The following KCNIP4 variants were observed in gnomAD, a reference collection of about 807,000 sequenced individuals.
The protein encoded by KCNIP4 is Kv channel-interacting protein 4.
Under a neutral mutation model 34.0 loss-of-function variants are expected in KCNIP4, and 12 were observed. That is an observed-to-expected ratio of 0.35 (90% CI 0.23 to 0.57). KCNIP4 has a LOEUF of 0.57. Ranked by LOEUF, KCNIP4 falls within the 20% of genes least tolerant of loss-of-function variation. The pLI, the probability that KCNIP4 is intolerant of heterozygous loss-of-function variation, is 0.83. For missense variants in KCNIP4, 238 were observed against 311.7 expected, an observed-to-expected ratio of 0.76 and a Z score of 1.78; for synonymous variants, 124 against 102.2, an observed-to-expected ratio of 1.21 and a Z score of -1.29.
At chr4:21,412,023 C>G (rs1334653310) in intron 1 of KCNIP4, among the ~76,000 whole-genome samples, 1 of 152,178 alleles carries the variant, frequency 6.6e-6, no homozygotes, top group Non-Finnish European at 1.5e-5. Context: ...GTATGGGGCA[C>G]TTGACATACT....
intron 5 of KCNIP4, among the ~76,000 whole-genome samples, chr4:20,748,936 A>G (rs1461790428): frequency 1.3e-5 from 2 of 150,406 alleles, no homozygotes; most frequent in South Asian, 2.1e-4. Context: ...TATATAAGCT[A>G]TGTAAATATC....
intron 1 of KCNIP4, among the ~76,000 whole-genome samples, chr4:21,538,591 T>A (rs1034578717): frequency 9.2e-5 from 14 of 152,178 alleles, no homozygotes; most frequent in African/African-American, 3.4e-4. Context: ...ATCATGGGGT[T>A]CCCAGTATTT....
intron 1 of KCNIP4, among the ~76,000 whole-genome samples, chr4:21,937,114 T>G (rs765151917): frequency 6.6e-6 from 1 of 152,120 alleles, no homozygotes; most frequent in African/African-American, 2.4e-5. Context: ...CTCATCACAA[T>G]GCTGGACGTG....
intron 3 of KCNIP4, among the ~76,000 whole-genome samples, chr4:20,780,650 C>T (rs1323849098): frequency 2.0e-5 from 3 of 152,070 alleles, no homozygotes; most frequent in Admixed American, 2.0e-4. Context: ...CAGGCTTTTC[C>T]AGGAACAGTT....
chr4:21,364,651 C>T (rs531887038), intron 1 of KCNIP4, among the ~76,000 whole-genome samples: 56 of 151,648 alleles, frequency 3.7e-4, no homozygotes, highest in African/African-American at 1.3e-3. Context: ...AATGACAAGT[C>T]AATGCACCTA....
chr4:21,619,002 T>C (rs771783630), intron 1 of KCNIP4, among the ~76,000 whole-genome samples: 4 of 152,130 alleles, frequency 2.6e-5, no homozygotes, highest in Non-Finnish European at 4.4e-5. Flanking sequence ...AGTGAGTTAC[T>C]TGATGATCCC....
intron 1 of KCNIP4, among the ~76,000 whole-genome samples, chr4:21,764,052 A>G (rs1188565284): frequency 6.6e-6 from 1 of 152,168 alleles, no homozygotes; most frequent in African/African-American, 2.4e-5. Context: ...AGTATGGTAA[A>G]GCCAGAACAA....
chr4:21,774,533 T>C (rs1391817996), intron 1 of KCNIP4, among the ~76,000 whole-genome samples: 2 of 152,200 alleles, frequency 1.3e-5, no homozygotes, highest in African/African-American at 4.8e-5. Flanking sequence ...AAATGCGTTT[T>C]CCAGCTTGTT....
chr4:21,150,142 G>A (rs1365342303), intron 1 of KCNIP4, among the ~76,000 whole-genome samples: 1 of 152,156 alleles, frequency 6.6e-6, no homozygotes, highest in East Asian at 1.9e-4. Flanking sequence ...CCTTGGAGAT[G>A]GTATGAGACT....
At chr4:21,255,831 T>G (rs897318483) in intron 1 of KCNIP4, among the ~76,000 whole-genome samples, 1 of 152,188 alleles carries the variant, frequency 6.6e-6, no homozygotes, top group South Asian at 2.1e-4. Context: ...GTAAATTGAC[T>G]TGAAGAAACA....
chr4:21,596,552 C>T lies in KCNIP4; in HGVS notation c.61+352019G>A, dbSNP rs10938846. Among the ~76,000 whole-genome samples, 137 of 152,164 alleles carry T rather than the reference C, an allele frequency of 9.0e-4. 2 individuals carry two copies. The East Asian group carries it at 0.025, about 28-fold the overall frequency. On this transcript the variant is annotated intron_variant, in intron 1 of 8. Transcript: ENST00000382152. ...GTGCACTGTTTTGAAACCCCCCTCC[C>T]TATCTCCATCTACCTTTCCTGGAGA...
chr4:21,354,704 C>A (rs1039455349), intron 1 of KCNIP4, among the ~76,000 whole-genome samples: 1 of 152,218 alleles, frequency 6.6e-6, no homozygotes, highest in Non-Finnish European at 1.5e-5. Flanking sequence ...TAATGGGAGA[C>A]TTTAACACCC....
chr4:21,516,581 A>G (rs1265260529), intron 1 of KCNIP4, among the ~76,000 whole-genome samples: 1 of 152,190 alleles, frequency 6.6e-6, no homozygotes, highest in Non-Finnish European at 1.5e-5. Context: ...GGCTTGCATC[A>G]GTTTCTTCTC....
rs1245067901 is a variant in KCNIP4 at position 21,395,333 on chromosome 4, T to C, written c.62-512624A>G. Among the ~76,000 whole-genome samples, 9 of 152,238 alleles carry C rather than the reference T, an allele frequency of 5.9e-5. No individual in the cohort carries two copies. The East Asian group carries it at 1.7e-3, about 29-fold the overall frequency. ...CCACTCCTACCTCCATACACAAACA[T>C]TATTATCATACATCTTTTAATCTTC... is the stretch of plus-strand genomic sequence containing the variant. On this transcript the variant is annotated intron_variant, in intron 1 of 8. Coordinates refer to ENST00000382152, the MANE Select transcript of KCNIP4 (RefSeq NM_025221.6).
intron 1 of KCNIP4, among the ~76,000 whole-genome samples, chr4:20,960,091 A>G (rs1733701728): frequency 6.6e-6 from 1 of 152,156 alleles, no homozygotes; most frequent in African/African-American, 2.4e-5. Flanking sequence ...AACAGTGTTT[A>G]TTTTTTGCAT....
chr4:21,077,291 T>C (rs1745574670), intron 1 of KCNIP4, among the ~76,000 whole-genome samples: 1 of 152,158 alleles, frequency 6.6e-6, no homozygotes, highest in African/African-American at 2.4e-5. Flanking sequence ...GAAAATTCTA[T>C]AATGTTCGCT....
chr4:21,102,130 G>A (rs17637027), intron 1 of KCNIP4, among the ~76,000 whole-genome samples: 21,641 of 152,124 alleles, frequency 0.14, 1,744 homozygotes, highest in East Asian at 0.22. Context: ...AATGTAATAC[G>A]ATGTAGGTTT....
intron 1 of KCNIP4, among the ~76,000 whole-genome samples, chr4:21,518,989 C>A (rs1337000345): frequency 6.6e-6 from 1 of 152,030 alleles, no homozygotes; most frequent in East Asian, 1.9e-4. Context: ...TAAAGAAATA[C>A]CATTATTACA....
chr4:21,561,543 G>A (rs920573045), intron 1 of KCNIP4, among the ~76,000 whole-genome samples: 1 of 151,854 alleles, frequency 6.6e-6, no homozygotes, highest in Non-Finnish European at 1.5e-5. Flanking sequence ...CATAGGACTT[G>A]TCTTTTTACT....
Sources: gnomAD v4.1 joint callset for allele counts (sites outside exome capture counted in the v4.1 genomes callset) on GRCh38, gnomAD v4.1.1 for gene constraint, MANE v1.5 for transcripts, NCBI Gene and HGNC (gene_info 2026-07-23, HGNC 2026-07-21) for gene names.